SLC4A10: variants seen among roughly 807,000 people sequenced by gnomAD.
SLC4A10 encodes the protein sodium-driven chloride bicarbonate exchanger.
SLC4A10 carries 42 observed loss-of-function variants against 137.7 expected under a neutral mutation model. The observed-to-expected ratio is 0.30, with a 90% CI of 0.24 to 0.39. The LOEUF is 0.39. SLC4A10 is among the 10% of genes least tolerant of loss of function. The pLI is 1.00. For synonymous variants in SLC4A10, 474 were observed against 464.1 expected (o/e 1.02, Z -0.27); for missense variants, 925 against 1,355.0 (o/e 0.68, Z 4.98).
intron 6 of SLC4A10, among the ~76,000 whole-genome samples, chr2:161,866,593 A>T (rs535706446): frequency 6.6e-6 from 1 of 152,008 alleles, no homozygotes; most frequent in Non-Finnish European, 1.5e-5. Context: ...GCAAAACAAC[A>T]GCAAAAATAA....
At chr2:161,739,677 A>C (rs897117033) in intron 1 of SLC4A10, among the ~76,000 whole-genome samples, 1 of 152,170 alleles carries the variant, frequency 6.6e-6, no homozygotes, top group South Asian at 2.1e-4. Flanking sequence ...GGCTTCCCCA[A>C]TAGGAGTGTA....
At chr2:161,913,622 T>A (rs79209741) in intron 15 of SLC4A10, among the ~76,000 whole-genome samples, 154 of 152,316 alleles carry the variant, frequency 1.0e-3, no homozygotes, top group African/African-American at 3.3e-3. Context: ...TACTAAAATC[T>A]TCTGGAGCAG....
At chr2:161,903,188 C>G (rs138246241) in intron 12 of SLC4A10, among the ~76,000 whole-genome samples, 125 of 152,142 alleles carry the variant, frequency 8.2e-4, no homozygotes, top group African/African-American at 2.9e-3. Context: ...TACTTTTCCC[C>G]CAAAATAATT....
intron 9 of SLC4A10, among the ~76,000 whole-genome samples, chr2:161,879,662 C>T (rs576135485): frequency 3.3e-5 from 5 of 150,020 alleles, no homozygotes; most frequent in African/African-American, 4.9e-5. Flanking sequence ...TGCATGAGTG[C>T]GGTCAAACTC....
rs373903201 is a variant in SLC4A10, at chr2:161,983,641, G to A, written c.*489G>A. On this transcript the variant is annotated 3_prime_UTR_variant, in exon 27 of 27. Coordinates refer to ENST00000446997, the MANE Select transcript of SLC4A10 (RefSeq NM_001178015.2). ...TGAAAGGTAGTCTTACTTCTTTTTAGTTTTTATAGCTTAGCATTAGTGACT... is the reference window on the plus strand; with the variant it reads ...TGAAAGGTAGTCTTACTTCTTTTTAATTTTTATAGCTTAGCATTAGTGACT... 1.3e-5 allele frequency: 2 copies of A among 157,812 alleles called. No individual in the cohort carries two copies. The highest frequency in any genetic ancestry group is 2.9e-3 in the Middle Eastern group (1 of 342). 9.8% of individuals were successfully genotyped at this position (157,812 alleles called of 1,614,324 possible).
At chr2:161,813,053 T>A (rs765216785) in intron 3 of SLC4A10, among the ~76,000 whole-genome samples, 27 of 152,108 alleles carry the variant, frequency 1.8e-4, no homozygotes, top group Non-Finnish European at 3.5e-4. Flanking sequence ...TACTTTTTAT[T>A]TTTTTCTGGT....
intron 1 of SLC4A10, among the ~76,000 whole-genome samples, chr2:161,663,639 G>A (rs962339666): frequency 3.9e-5 from 6 of 152,214 alleles, no homozygotes; most frequent in African/African-American, 1.4e-4. Context: ...GATGGAGGCT[G>A]GGAAAGTGTG....
At chr2:161,864,488 T>G (rs2060620162) in intron 6 of SLC4A10, among the ~76,000 whole-genome samples, 1 of 152,182 alleles carries the variant, frequency 6.6e-6, no homozygotes, top group Non-Finnish European at 1.5e-5. Flanking sequence ...TAAAGATGAT[T>G]AGATGTAATT....
intron 1 of SLC4A10, among the ~76,000 whole-genome samples, chr2:161,748,313 A>T (rs1439274531): frequency 1.3e-5 from 2 of 152,004 alleles, no homozygotes; most frequent in African/African-American, 4.8e-5. Flanking sequence ...TTTCTTGCCT[A>T]AGCTTTTGGT....
At chr2:161,639,469 A>G (rs1028214910) in intron 1 of SLC4A10, among the ~76,000 whole-genome samples, 8 of 152,212 alleles carry the variant, frequency 5.3e-5, no homozygotes, top group African/African-American at 1.4e-4. Flanking sequence ...ATGGTTAAAC[A>G]TATGTAAATC....
intron 1 of SLC4A10, among the ~76,000 whole-genome samples, chr2:161,691,773 C>A (rs185470781): frequency 5.9e-4 from 90 of 152,170 alleles, no homozygotes; most frequent in African/African-American, 2.1e-3. Context: ...GTCTTCCATT[C>A]CTTTGTTCAT....
chr2:161,922,700 A>G (rs1671592901), intron 15 of SLC4A10, among the ~76,000 whole-genome samples: 1 of 152,122 alleles, frequency 6.6e-6, no homozygotes, highest in Non-Finnish European at 1.5e-5. Flanking sequence ...TATGAGAGAT[A>G]CCTTTTTCTT....
chr2:161,628,563 A>G (rs12473088), intron 1 of SLC4A10, among the ~76,000 whole-genome samples: 11,187 of 152,060 alleles, frequency 0.074, 532 homozygotes, highest in East Asian at 0.14. Flanking sequence ...AAAGTAACAA[A>G]AAGAGCACAT....
chr2:161,627,911 A>G (rs575196012), intron 1 of SLC4A10, among the ~76,000 whole-genome samples: 1 of 152,216 alleles, frequency 6.6e-6, no homozygotes, highest in South Asian at 2.1e-4. Flanking sequence ...ATATATGTGA[A>G]ACCTCACACT....
intron 2 of SLC4A10, among the ~76,000 whole-genome samples, chr2:161,780,829 G>C (rs911136019): frequency 6.6e-6 from 1 of 151,952 alleles, no homozygotes; most frequent in African/African-American, 2.4e-5. Context: ...ACAATATTTA[G>C]ATATTATTTG....
chr2:161,936,976 T>G (rs942968278), intron 15 of SLC4A10, among the ~76,000 whole-genome samples: 2 of 152,206 alleles, frequency 1.3e-5, no homozygotes, highest in Non-Finnish European at 2.9e-5. Flanking sequence ...GCCATGAACT[T>G]TCCTCTTAGA....
chr2:161,946,329 T>C (rs1285065895), intron 16 of SLC4A10, among the ~76,000 whole-genome samples: 2 of 152,054 alleles, frequency 1.3e-5, no homozygotes, highest in African/African-American at 4.8e-5. Flanking sequence ...CAACTCCAAG[T>C]AGATTTTACT....
At chr2:161,832,101 G>A (rs1163316933) in intron 3 of SLC4A10, among the ~76,000 whole-genome samples, 1 of 152,140 alleles carries the variant, frequency 6.6e-6, no homozygotes, top group Admixed American at 6.5e-5. Flanking sequence ...GAGGATTATT[G>A]TCCATTATGA....
rs141616168 is a variant in SLC4A10 at position 161,718,297 on chromosome 2, A to G, written c.49-52676A>G. Among the ~76,000 whole-genome samples the G allele has an allele frequency of 6.6e-5, 10 of 151,832 alleles. No homozygotes were observed. In the East Asian group the frequency reaches 1.9e-3, roughly 29 times the overall value. ...GTTTTTTTGTGTGTCTCTCTCCTTC[A>G]GTTCTGCTCTGATCTTGCTTATTTC... On this transcript the variant is annotated intron_variant, in intron 1 of 26. Transcript: ENST00000446997.
Sources: gnomAD v4.1 joint callset for allele counts (sites outside exome capture counted in the v4.1 genomes callset) on GRCh38, gnomAD v4.1.1 for gene constraint, MANE v1.5 for transcripts, NCBI Gene and HGNC (gene_info 2026-07-23, HGNC 2026-07-21) for gene names.